NPNT: variants seen among roughly 807,000 people sequenced by gnomAD.
The protein encoded by NPNT is preosteoblast EGF-like repeat protein with MAM domain.
In NPNT, 45 loss-of-function variants were observed where a neutral mutation model predicts 68.6. The ratio of observed to expected loss-of-function variants is 0.66; its 90% CI spans 0.52 to 0.84. The LOEUF (loss-of-function observed/expected upper bound fraction) is 0.84. Among genes scored for constraint, NPNT ranks in the 40% least tolerant of loss-of-function variants. NPNT has a pLI of 0.00. For missense variants in NPNT, 672 were observed against 714.8 expected (o/e 0.94, Z 0.68); for synonymous variants, 233 against 253.3 (o/e 0.92, Z 0.76).
intron 3 of NPNT, among the ~76,000 whole-genome samples, chr4:105,930,519 A>C (rs958666211): frequency 6.6e-6 from 1 of 152,238 alleles, no homozygotes; most frequent in African/African-American, 2.4e-5. Context: ...AGATTAACTT[A>C]AACTGTTTTC....
At chr4:105,906,299 G>A (rs1410998743) in intron 2 of NPNT, among the ~76,000 whole-genome samples, 1 of 152,206 alleles carries the variant, frequency 6.6e-6, no homozygotes, top group Non-Finnish European at 1.5e-5. Flanking sequence ...AGACTTTCAC[G>A]TGGCCCTTTA....
At chr4:105,914,397 ATATAATATATATTATATAT>A (rs1345033407) in intron 2 of NPNT, among the ~76,000 whole-genome samples, 3 of 138,962 alleles carry the variant, frequency 2.2e-5, no homozygotes, top group South Asian at 4.4e-4. Context: ...TATAAAAATA[ATATAATATATATTATATAT>A]TATAATATAT....
At position 105,970,694 on chromosome 4, in the gene NPNT, A is replaced by T. The variant is rs1036497336; in HGVS notation, c.*1704A>T. On this transcript the variant is annotated 3_prime_UTR_variant, in exon 12 of 12. Coordinates refer to ENST00000379987, the MANE Select transcript of NPNT (RefSeq NM_001033047.3). ...TCTCTCTCTTTCTAAAAAATTAGAT[A>T]AAAATTTGTCTATTTAAGATGGTTA... 2.0e-6 allele frequency: 1 copy of T among 493,814 alleles called. No individual in the cohort carries two copies. The highest frequency in any genetic ancestry group is 1.9e-5 in the African/African-American group (1 of 51,662). The allele number at this position is 493,814 out of a possible 1,614,324, so 30.6% of individuals were successfully genotyped here.
chr4:105,914,853 G>T (rs962264887), intron 2 of NPNT, among the ~76,000 whole-genome samples: 2 of 152,132 alleles, frequency 1.3e-5, no homozygotes, highest in African/African-American at 4.8e-5. Context: ...CATATGTGGG[G>T]TATATGTTTG....
intron 1 of NPNT, 84 bp from the exon 2 acceptor site, chr4:105,897,817 A>G (rs1725988296): frequency 1.8e-6 from 2 of 1,135,894 alleles, no homozygotes; most frequent in Non-Finnish European, 2.6e-6. Context: ...TGTGGTTGAC[A>G]TTTTTTCTGA....
At chr4:105,927,791 C>G (rs574085845) in intron 3 of NPNT, among the ~76,000 whole-genome samples, 4 of 152,094 alleles carry the variant, frequency 2.6e-5, no homozygotes, top group Non-Finnish European at 5.9e-5. Flanking sequence ...CCTTTAATGC[C>G]AAAGTCAAGT....
In NPNT at chr4:105,910,542, A is replaced by G. The variant is rs868447876; in HGVS notation, c.172+12541A>G. Among the ~76,000 whole-genome samples the G allele has an allele frequency of 5.9e-5, 9 of 152,182 alleles. No homozygotes were observed. In the South Asian group the frequency reaches 1.7e-3, roughly 28 times the overall value. ...GTATGTAAGGCATTTATTTCTGGCA[A>G]CTTTCATAAAAATTGTTGTGATGGT... On this transcript the variant is annotated intron_variant, in intron 2 of 11. Transcript: ENST00000379987.
chr4:105,915,486 A>T (rs1727734951), intron 2 of NPNT, among the ~76,000 whole-genome samples: 1 of 152,164 alleles, frequency 6.6e-6, no homozygotes, highest in South Asian at 2.1e-4. Flanking sequence ...GATAAAATGT[A>T]GATAACAGTC....
rs936573594 is a variant in NPNT at position 105,970,469 on chromosome 4, G to C, written c.*1479G>C. ...CTGGGATTATTGAGCCTGGAGAAGA[G>C]AAGACTGAGGGGCAAACCATTGATG... On this transcript the variant is annotated 3_prime_UTR_variant, in exon 12 of 12. Coordinates refer to ENST00000379987, the MANE Select transcript of NPNT (RefSeq NM_001033047.3). The C allele has an allele frequency of 1.6e-5, 11 of 697,760 alleles. No homozygotes were observed. Among genetic ancestry groups the C allele is most frequent in the African/African-American group, 1.4e-4 (8 of 57,186 alleles). The allele number at this position is 697,760 out of a possible 1,614,324, so 43.2% of individuals were successfully genotyped here.
chr4:105,961,700 G>A (rs1013568642), intron 10 of NPNT, among the ~76,000 whole-genome samples: 3 of 152,184 alleles, frequency 2.0e-5, no homozygotes, highest in African/African-American at 4.8e-5. Flanking sequence ...TTATTGGACC[G>A]TGTTAGTACA....
At chr4:105,936,977 A>C (rs1729540472) in intron 3 of NPNT, 32 bp from the exon 4 acceptor site, 2 of 1,597,756 alleles carry the variant, frequency 1.3e-6, no homozygotes, top group Non-Finnish European at 1.7e-6. Flanking sequence ...GAGGTTTTGT[A>C]ATTTTTCTGC....
chr4:105,936,072 T>G (rs1729468277), intron 3 of NPNT, among the ~76,000 whole-genome samples: 1 of 152,216 alleles, frequency 6.6e-6, no homozygotes, highest in Non-Finnish European at 1.5e-5. Flanking sequence ...CAATGTTTAT[T>G]TGTCATTATG....
At chr4:105,901,144 A>G (rs545702190) in intron 2 of NPNT, among the ~76,000 whole-genome samples, 11 of 152,192 alleles carry the variant, frequency 7.2e-5, no homozygotes, top group African/African-American at 2.6e-4. Flanking sequence ...TCCTTCTACC[A>G]AGTGGAGACC....
At chr4:105,946,206 C>T (rs538405406) in intron 8 of NPNT, among the ~76,000 whole-genome samples, 1 of 152,226 alleles carries the variant, frequency 6.6e-6, no homozygotes, top group South Asian at 2.1e-4. Flanking sequence ...AGTTTTTGTC[C>T]ATTTGCTACT....
intron 2 of NPNT, among the ~76,000 whole-genome samples, chr4:105,920,404 A>AAAAC (rs1728168087): frequency 1.3e-5 from 2 of 151,114 alleles, no homozygotes; most frequent in Non-Finnish European, 3.0e-5. Context: ...CTAAAAAAAA[A>AAAAC]AAAAAAAAAA....
intron 2 of NPNT, among the ~76,000 whole-genome samples, chr4:105,913,280 A>G (rs975896965): frequency 6.6e-6 from 1 of 152,236 alleles, no homozygotes; most frequent in Non-Finnish European, 1.5e-5. Context: ...TACTAGAAAT[A>G]GAAGTTCAGA....
rs1384574595 is a variant in NPNT at position 105,958,567 on chromosome 4, ACAC to A, written c.1246+11_1246+13del. The A allele has an allele frequency of 4.8e-6, 7 of 1,452,162 alleles. No individual in the cohort carries two copies. The highest frequency in any genetic ancestry group is 6.8e-6 in the Non-Finnish European group (7 of 1,036,790). The allele number at this position is 1,452,162 out of a possible 1,614,324, so 90.0% of individuals were successfully genotyped here. A position where few individuals can be genotyped will look rare whatever the true frequency, so the allele number is the denominator to read the frequency against. ...GCAAAGGATGATCCAGGTGACACTTACACTCTTAGTGCCATCATAATGACATTT... is the reference window on the plus strand; with the variant it reads ...GCAAAGGATGATCCAGGTGACACTTATCTTAGTGCCATCATAATGACATTT... On this transcript the variant is annotated intron_variant, in intron 9 of 11. Transcript: ENST00000379987.
chr4:105,924,399 A>T (rs1028184045), intron 2 of NPNT, among the ~76,000 whole-genome samples: 5 of 152,202 alleles, frequency 3.3e-5, no homozygotes, highest in African/African-American at 1.2e-4. Flanking sequence ...ACAGTTTCCA[A>T]AGGGTTTTCT....
intron 1 of NPNT, 87 bp from the exon 2 acceptor site, chr4:105,897,814 G>T: frequency 9.3e-7 from 1 of 1,070,410 alleles, no homozygotes; most frequent in South Asian, 1.4e-5. Flanking sequence ...GGGTGTGGTT[G>T]ACATTTTTTC....
Sources: allele counts gnomAD v4.1 joint callset (sites outside exome capture counted in the v4.1 genomes callset), GRCh38; gene constraint gnomAD v4.1.1; transcripts MANE v1.5; gene names NCBI Gene and HGNC (gene_info 2026-07-23, HGNC 2026-07-21).